FAF1: variants seen among roughly 807,000 people sequenced by gnomAD.
FAF1 encodes the protein Fas associated factor 1, also known as FAS-associated factor 1.
In FAF1, 25 loss-of-function variants were observed where a neutral mutation model predicts 92.5. The ratio of observed to expected loss-of-function variants is 0.27; its 90% confidence interval spans 0.20 to 0.38. FAF1 has a LOEUF of 0.38. Among genes scored for constraint, FAF1 ranks in the 10% least tolerant of loss-of-function variants. The pLI is 1.00. For synonymous variants in FAF1, 234 were observed against 273.2 expected (o/e 0.86, Z 1.42); for missense variants, 636 against 793.3 (o/e 0.80, Z 2.38).
At chr1:50,667,482 T>A (rs889750628) in intron 7 of FAF1, among the ~76,000 whole-genome samples, 1 of 152,206 alleles carries the variant, frequency 6.6e-6, no homozygotes, top group African/African-American at 2.4e-5. Context: ...GAAACTCTTA[T>A]CAGAAACAGC....
In FAF1 at chr1:50,778,204, A is replaced by C. The variant is rs547739630; in HGVS notation, c.367+9796T>G. Among the ~76,000 whole-genome samples, 10 of 152,326 alleles carry C rather than the reference A, an allele frequency of 6.6e-5. No homozygotes were observed. In the East Asian group the frequency reaches 1.9e-3, roughly 29 times the overall value. ...ATGATTTCAATTATACGAAGGTCAA[A>C]ATACACAAATGCAATCCAAGGTGAC... On this transcript the variant is annotated intron_variant, in intron 4 of 18. Coordinates refer to ENST00000396153, the MANE Select transcript of FAF1 (RefSeq NM_007051.3).
intron 2 of FAF1, among the ~76,000 whole-genome samples, chr1:50,854,706 A>C (rs1165716167): frequency 1.3e-5 from 2 of 151,892 alleles, no homozygotes; most frequent in Non-Finnish European, 2.9e-5. Flanking sequence ...GTGACTAATA[A>C]TCAGAACTCC....
intron 13 of FAF1, among the ~76,000 whole-genome samples, chr1:50,545,395 A>G (rs554939228): frequency 6.6e-6 from 1 of 152,084 alleles, no homozygotes; most frequent in Non-Finnish European, 1.5e-5. Context: ...CAGCCTCCCA[A>G]GTAGCTGAGA....
intron 1 of FAF1, among the ~76,000 whole-genome samples, chr1:50,934,749 T>A (rs1184439376): frequency 1.3e-5 from 2 of 152,114 alleles, no homozygotes; most frequent in African/African-American, 2.4e-5. Context: ...ACTGAAAAAA[T>A]TTTAAAGTCT....
intron 15 of FAF1, among the ~76,000 whole-genome samples, chr1:50,511,309 A>G (rs1045838255): frequency 6.6e-6 from 1 of 151,204 alleles, no homozygotes; most frequent in African/African-American, 2.4e-5. Flanking sequence ...GGTTTGTAAC[A>G]TAGGTATACA....
At chr1:50,830,093 T>G (rs1252379064) in intron 2 of FAF1, among the ~76,000 whole-genome samples, 1 of 152,136 alleles carries the variant, frequency 6.6e-6, no homozygotes, top group Non-Finnish European at 1.5e-5. Context: ...GTATCATTCT[T>G]GCTTCTTTTT....
At chr1:50,940,951 A>G (rs903348357) in intron 1 of FAF1, among the ~76,000 whole-genome samples, 6 of 152,184 alleles carry the variant, frequency 3.9e-5, no homozygotes, top group African/African-American at 1.4e-4. Flanking sequence ...ATAAAGCTAC[A>G]ATAAATTTTA....
At chr1:50,866,657 A>G (rs1570074039) in intron 1 of FAF1, among the ~76,000 whole-genome samples, 1 of 152,302 alleles carries the variant, frequency 6.6e-6, no homozygotes, top group East Asian at 1.9e-4. Flanking sequence ...AGACCTCCAG[A>G]AGAGAAACTA....
In FAF1 at chr1:50,441,282, C is replaced by T; in HGVS notation, c.*158G>A. 1 of 530,652 alleles carries T rather than the reference C, an allele frequency of 1.9e-6. No homozygotes were observed. Among genetic ancestry groups the T allele is most frequent in the Non-Finnish European group, 3.4e-6 (1 of 294,002 alleles). 32.9% of individuals were successfully genotyped at this position (530,652 alleles called of 1,614,324 possible). On this transcript the variant is annotated 3_prime_UTR_variant, in exon 19 of 19. Transcript: ENST00000396153. ...CTCATGGATGGGAAATCTTAAGTAG[C>T]TATATTTATTATTACTTTTTCCAGC...
At chr1:50,830,064 T>C (rs528488834) in intron 2 of FAF1, among the ~76,000 whole-genome samples, 10 of 152,308 alleles carry the variant, frequency 6.6e-5, no homozygotes, top group Non-Finnish European at 1.0e-4. Flanking sequence ...TGTCTAACTC[T>C]CTCTTCATGA....
rs190256431 is a variant in FAF1, at chr1:50,782,767, T to A, written c.367+5233A>T. 8.4e-4 allele frequency among the ~76,000 whole-genome samples: 128 copies of A among 152,234 alleles called. 1 individual carries two copies. The highest frequency in any genetic ancestry group is 1.5e-3 in the Non-Finnish European group (105 of 68,018). On this transcript the variant is annotated intron_variant, in intron 4 of 18. Coordinates refer to ENST00000396153, the MANE Select transcript of FAF1 (RefSeq NM_007051.3). ...ATTCTTATTAAAGAAATATATTTTT[T>A]AATAAATTTAGGGTAGCCTAGGAGT... is the stretch of plus-strand genomic sequence containing the variant.
rs184441224 is a variant in FAF1 at position 50,734,181 on chromosome 1, C to T, written c.551+4682G>A. 1.4e-3 allele frequency among the ~76,000 whole-genome samples: 206 copies of T among 152,280 alleles called. 3 individuals are homozygous for T. Among genetic ancestry groups the T allele is most frequent in the African/African-American group, 4.9e-3 (205 of 41,546 alleles). ...TACTCCTTGTGCTTCCAATACTTCT[C>T]AAGTATCTTACCTTGACTTCTCCCT... On this transcript the variant is annotated intron_variant, in intron 6 of 18. Transcript: ENST00000396153.
Position 50,959,924 on chromosome 1 carries a change from T to TGGCGGGCGAGCC in FAF1, c.-125_-114dup. The stretch of plus-strand genomic sequence containing the variant: ...CCGCCGCCGCCGGGCGCCGAGGGGC[T>TGGCGGGCGAGCC]GGCGGGCGAGCCGGCGGGCGGGTCG... On this transcript the variant is annotated 5_prime_UTR_variant, in exon 1 of 19. Transcript: ENST00000396153. 1.6e-6 allele frequency: 1 copy of TGGCGGGCGAGCC among 614,372 alleles called. No individual in the cohort carries two copies. The highest frequency in any genetic ancestry group is 2.2e-6 in the Non-Finnish European group (1 of 453,218). 38.1% of individuals were successfully genotyped at this position (614,372 alleles called of 1,614,324 possible).
chr1:50,714,652 AG>A (rs1658099043), intron 6 of FAF1, among the ~76,000 whole-genome samples: 1 of 152,202 alleles, frequency 6.6e-6, no homozygotes, highest in Non-Finnish European at 1.5e-5. Context: ...AAAGAAGGAA[AG>A]GGGGTATGGA....
chr1:50,841,793 A>G (rs1204937075), intron 2 of FAF1, among the ~76,000 whole-genome samples: 1 of 152,108 alleles, frequency 6.6e-6, no homozygotes, highest in Non-Finnish European at 1.5e-5. Flanking sequence ...AAAAACCCAC[A>G]TATGGGGCAT....
intron 18 of FAF1, among the ~76,000 whole-genome samples, chr1:50,448,300 T>A (rs974500951): frequency 1.9e-4 from 29 of 152,324 alleles, no homozygotes; most frequent in African/African-American, 6.3e-4. Context: ...CTGGGTTGGA[T>A]TCCCACTGCT....
intron 1 of FAF1, among the ~76,000 whole-genome samples, chr1:50,887,417 T>C (rs1287184193): frequency 6.6e-6 from 1 of 152,234 alleles, no homozygotes; most frequent in Non-Finnish European, 1.5e-5. Context: ...TTGGTTGCCA[T>C]TGCTTTTGGT....
chr1:50,915,422 T>C (rs1259569451), intron 1 of FAF1, among the ~76,000 whole-genome samples: 4 of 151,806 alleles, frequency 2.6e-5, no homozygotes, highest in Non-Finnish European at 5.9e-5. Context: ...CCATCTTTCA[T>C]TCAATAGAAG....
chr1:50,749,482 C>A (rs1659764044), intron 4 of FAF1, among the ~76,000 whole-genome samples: 1 of 152,082 alleles, frequency 6.6e-6, no homozygotes, highest in Admixed American at 6.6e-5. Flanking sequence ...AACCTGAGTT[C>A]CTCATATTTT....
Sources: gnomAD v4.1 joint callset for allele counts (sites outside exome capture counted in the v4.1 genomes callset) on GRCh38, gnomAD v4.1.1 for gene constraint, MANE v1.5 for transcripts, NCBI Gene and HGNC (gene_info 2026-07-23, HGNC 2026-07-21) for gene names.